Variants in FHIT observed in about 807,000 individuals in gnomAD.
FHIT encodes fragile histidine triad diadenosine triphosphatase.
Under a neutral mutation model 17.9 loss-of-function variants are expected in FHIT, and 19 were observed. That is an observed-to-expected ratio of 1.06 (90% CI 0.74 to 1.56). FHIT has a LOEUF of 1.56. Ranked by LOEUF, FHIT falls within the 40% of genes most tolerant of loss-of-function variation. The pLI, the probability that FHIT is intolerant of heterozygous loss-of-function variation, is 0.00. For synonymous variants in FHIT, 81 were observed against 69.7 expected, an observed-to-expected ratio of 1.16 and a Z score of -0.81; for missense variants, 248 against 189.2, an observed-to-expected ratio of 1.31 and a Z score of -1.82.
chr3:60,658,378 T>C (rs2040165232), intron 4 of FHIT, among the ~76,000 whole-genome samples: 1 of 152,160 alleles, frequency 6.6e-6, no homozygotes, highest in East Asian at 1.9e-4. Flanking sequence ...CCTGCATCAC[T>C]GTCTTCTTGT....
intron 7 of FHIT, among the ~76,000 whole-genome samples, chr3:59,963,336 T>G (rs191734667): frequency 6.6e-6 from 1 of 152,204 alleles, no homozygotes; most frequent in Admixed American, 6.5e-5. Context: ...ATTTTCTGGT[T>G]TTAAATTGAG....
At chr3:60,578,684 C>G (rs2037654419) in intron 4 of FHIT, among the ~76,000 whole-genome samples, 1 of 151,968 alleles carries the variant, frequency 6.6e-6, no homozygotes, top group East Asian at 1.9e-4. Context: ...TCACATAAAA[C>G]AAAATAGCCA....
At chr3:60,556,639 G>A (rs1449082354) in intron 4 of FHIT, among the ~76,000 whole-genome samples, 2 of 152,230 alleles carry the variant, frequency 1.3e-5, no homozygotes, top group East Asian at 1.9e-4. Context: ...GCTCTTCTCA[G>A]TACAAGTGGT....
At chr3:60,410,791 G>A (rs1449721088) in intron 5 of FHIT, among the ~76,000 whole-genome samples, 1 of 152,134 alleles carries the variant, frequency 6.6e-6, no homozygotes, top group African/African-American at 2.4e-5. Flanking sequence ...CAAATGTTAA[G>A]AGGTTTATAC....
intron 8 of FHIT, among the ~76,000 whole-genome samples, chr3:59,778,772 T>G (rs951047550): frequency 2.6e-5 from 4 of 152,200 alleles, no homozygotes; most frequent in African/African-American, 9.7e-5. Context: ...ATAAGAACCT[T>G]AAGGGTCTTG....
At chr3:60,470,080 C>CTCTCTCTCTCTCTCTCTCTCT (rs370993192) in intron 5 of FHIT, among the ~76,000 whole-genome samples, 23 of 151,048 alleles carry the variant, frequency 1.5e-4, no homozygotes, top group African/African-American at 4.4e-4. Context: ...CTCTCTCTCT[C>CTCTCTCTCTCTCTCTCTCTCT]CAGAGCTGCC....
chr3:60,551,729 G>A (rs974436558), intron 4 of FHIT, among the ~76,000 whole-genome samples: 7 of 149,448 alleles, frequency 4.7e-5, no homozygotes, highest in African/African-American at 7.4e-5. Context: ...CTGCACTCTA[G>A]CCTGGGTGAC....
chr3:61,129,436 G>A (rs951340471), intron 2 of FHIT, among the ~76,000 whole-genome samples: 8 of 152,248 alleles, frequency 5.3e-5, no homozygotes, highest in East Asian at 1.9e-4. Flanking sequence ...GACTGTAAAT[G>A]GATGAATAGT....
chr3:60,499,139 G>T, intron 5 of FHIT, among the ~76,000 whole-genome samples: 1 of 152,182 alleles, frequency 6.6e-6, no homozygotes, highest in Admixed American at 6.5e-5. Flanking sequence ...TTTCTACAGA[G>T]CCTCTACAAG....
intron 5 of FHIT, among the ~76,000 whole-genome samples, chr3:60,301,177 T>TA (rs1367257782): frequency 6.6e-6 from 1 of 152,152 alleles, no homozygotes; most frequent in Non-Finnish European, 1.5e-5. Flanking sequence ...TAAAACACTT[T>TA]AATACCTTTA....
At chr3:59,775,816 C>G (rs17061197) in intron 8 of FHIT, among the ~76,000 whole-genome samples, 37,892 of 152,080 alleles carry the variant, frequency 0.25, 5,109 homozygotes, top group South Asian at 0.4. Flanking sequence ...CACAGATGGC[C>G]TCTGAGAGGA....
rs374020912 is a variant in FHIT, at chr3:59,869,477, G to A, written c.348+52869C>T. 8.4e-3 allele frequency among the ~76,000 whole-genome samples: 761 copies of A among 90,824 alleles called. 11 individuals carry two copies. The highest frequency in any genetic ancestry group is 0.034 in the Admixed American group (362 of 10,564). The allele number at this position is 90,824 out of a possible 152,430, so 59.6% of individuals were successfully genotyped here. Reference sequence around the variant, plus strand: ...AGTCATTATTCCATCTTTCCTTAAAGAACATCCTTTTTTTTTTTTTTTTAG... The same window carrying A: ...AGTCATTATTCCATCTTTCCTTAAAAAACATCCTTTTTTTTTTTTTTTTAG... On this transcript the variant is annotated intron_variant, in intron 8 of 9. Transcript: ENST00000492590.
At chr3:60,250,743 T>A (rs564926302) in intron 5 of FHIT, among the ~76,000 whole-genome samples, 1 of 152,162 alleles carries the variant, frequency 6.6e-6, no homozygotes, top group East Asian at 1.9e-4. Flanking sequence ...TACCCACTAC[T>A]CCAAAGTACC....
At chr3:60,548,992 G>A (rs1336080968) in intron 4 of FHIT, among the ~76,000 whole-genome samples, 1 of 152,102 alleles carries the variant, frequency 6.6e-6, no homozygotes, top group African/African-American at 2.4e-5. Context: ...TTAAATTTGA[G>A]AAATGAGTAT....
chr3:59,826,141 A>T (rs1477191101), intron 8 of FHIT, among the ~76,000 whole-genome samples: 1 of 152,118 alleles, frequency 6.6e-6, no homozygotes, highest in East Asian at 1.9e-4. Flanking sequence ...ATTTAGACCC[A>T]GGGTCTCACT....
chr3:61,049,261 C>A (rs2033935618), intron 2 of FHIT, among the ~76,000 whole-genome samples: 1 of 150,778 alleles, frequency 6.6e-6, no homozygotes, highest in Admixed American at 6.6e-5. Context: ...AGTTATTAGG[C>A]ATTCATTCAT....
intron 2 of FHIT, among the ~76,000 whole-genome samples, chr3:61,111,407 A>G (rs1473775602): frequency 6.6e-6 from 1 of 152,172 alleles, no homozygotes; most frequent in Non-Finnish European, 1.5e-5. Context: ...CCTTGTCTAT[A>G]CCACCTTTTG....
chr3:61,043,314 C>A (rs56743334), intron 2 of FHIT, among the ~76,000 whole-genome samples: 4,270 of 151,554 alleles, frequency 0.028, 128 homozygotes, highest in Admixed American at 0.083. Context: ...TATCCCGCGC[C>A]TAGCTCGGAG....
chr3:60,814,664 T>C (rs1312179194), intron 4 of FHIT, among the ~76,000 whole-genome samples: 3 of 152,172 alleles, frequency 2.0e-5, no homozygotes, highest in Non-Finnish European at 4.4e-5. Context: ...GCTGTGACAA[T>C]GAACATGCAA....
Sources: gnomAD v4.1 joint callset for allele counts (sites outside exome capture counted in the v4.1 genomes callset) on GRCh38, gnomAD v4.1.1 for gene constraint, MANE v1.5 for transcripts, NCBI Gene and HGNC (gene_info 2026-07-23, HGNC 2026-07-21) for gene names.